DIDO1: variants seen among roughly 807,000 people sequenced by gnomAD.
The protein encoded by DIDO1 is death-inducer obliterator 1.
In DIDO1, 16 loss-of-function variants were observed where a neutral mutation model predicts 99.4. The observed-to-expected ratio is 0.16, with a 90% CI of 0.11 to 0.24. The LOEUF is 0.24. DIDO1 is among the 10% of genes least tolerant of loss of function. The pLI is 1.00. For missense variants in DIDO1, 2,996 were observed against 3,014.0 expected (o/e 0.99, Z 0.14); for synonymous variants, 1,366 against 1,239.1 (o/e 1.10, Z -2.15).
intron 1 of DIDO1, among the ~76,000 whole-genome samples, chr20:62,934,160 G>A (rs923871015): frequency 4.6e-5 from 7 of 152,010 alleles, no homozygotes; most frequent in Admixed American, 2.0e-4. Flanking sequence ...CTCCTGTCCC[G>A]GGACCCACCT....
At chr20:62,918,174 A>C (rs1468852769) in intron 1 of DIDO1, among the ~76,000 whole-genome samples, 5 of 152,260 alleles carry the variant, frequency 3.3e-5, no homozygotes. Flanking sequence ...ATATCTTCCC[A>C]AAAGGTCAGC....
rs1274584126 is a variant in DIDO1, at chr20:62,907,269, T to C, written c.1252A>G (p.Ile418Val). ...PDSVYCSNDC[I>V]LKHAAATMKF... ...ATTGTCGCTGCGGCGTGTTTGAGGATACAGTCATTACTGCAGTACACCGAG... is the reference window on the plus strand; with the variant it reads ...ATTGTCGCTGCGGCGTGTTTGAGGACACAGTCATTACTGCAGTACACCGAG... Residue 418 changes from isoleucine to valine, a missense_variant, in exon 5 of 16, where the codon ATC becomes GTC. Around this residue, in one of 5 missense-constraint regions of DIDO1, gnomAD observed 898 missense variants for 972.7 expected, o/e 0.92. Transcript: ENST00000395343. The C allele has an allele frequency of 6.2e-7, 1 of 1,614,216 alleles. No homozygotes were observed. The highest frequency in any genetic ancestry group is 1.7e-5 in the Admixed American group (1 of 60,028).
At chr20:62,900,505 T>C (rs1006232106) in intron 6 of DIDO1, among the ~76,000 whole-genome samples, 10 of 152,154 alleles carry the variant, frequency 6.6e-5, no homozygotes, top group African/African-American at 2.4e-4. Flanking sequence ...ACTCCGCTCC[T>C]CTCTGCAGAA....
intron 15 of DIDO1, among the ~76,000 whole-genome samples, chr20:62,883,248 T>A (rs2064242788): frequency 6.6e-6 from 1 of 151,790 alleles, no homozygotes; most frequent in South Asian, 2.1e-4. Flanking sequence ...AACTTAGGAG[T>A]TGCAACACAT....
chr20:62,880,292 C>T lies in DIDO1; in HGVS notation c.5664G>A (p.Gln1888=). Residue 1888 remains glutamine, a synonymous_variant, in exon 16 of 16, where the codon CAG becomes CAA. Transcript: ENST00000395343. ...FLGSRGGAPF[Q]FGGQRRPLLS... ...GCAGTGGCCTTCTCTGGCCTCCGAA[C>T]TGGAAAGGCGCGCCGCCTCTGCTTC... 1.2e-6 allele frequency: 2 copies of T among 1,612,786 alleles called. No individual in the cohort carries two copies. The highest frequency in any genetic ancestry group is 1.7e-6 in the Non-Finnish European group (2 of 1,179,966).
intron 1 of DIDO1, among the ~76,000 whole-genome samples, chr20:62,935,844 G>A (rs770769741): frequency 6.6e-6 from 1 of 152,214 alleles, no homozygotes; most frequent in African/African-American, 2.4e-5. Flanking sequence ...CAGGAGTTAC[G>A]GAGACATCCT....
chr20:62,916,196 A>G (rs1006389283), intron 1 of DIDO1, among the ~76,000 whole-genome samples: 2 of 152,212 alleles, frequency 1.3e-5, no homozygotes, highest in African/African-American at 4.8e-5. Flanking sequence ...CTGCAACCAT[A>G]TTGTATCAGT....
chr20:62,922,233 T>C (rs868099350), intron 1 of DIDO1, among the ~76,000 whole-genome samples: 76 of 142,072 alleles, frequency 5.3e-4, no homozygotes, highest in Admixed American at 1.7e-3. Flanking sequence ...CACACACACA[T>C]ATATATATAT....
chr20:62,922,278 G>A (rs2065170010), intron 1 of DIDO1, among the ~76,000 whole-genome samples: 1 of 150,960 alleles, frequency 6.6e-6, no homozygotes, highest in African/African-American at 2.4e-5. Context: ...ACACACACAG[G>A]TGTCTACCTG....
Position 62,896,226 on chromosome 20 carries a change from C to A in DIDO1, c.2214+7G>T, listed in dbSNP as rs2064517496. On this transcript the variant is annotated splice_region_variant and intron_variant, in intron 8 of 15. Coordinates refer to ENST00000395343, the MANE Select transcript of DIDO1 (RefSeq NM_001193369.2). This position sits in a 1 kb window ranked among gnomAD's most constrained non-coding sequence, Gnocchi z 4.4. ...AATACTCCAATGCACCGACACCAGG[C>A]ACACACCTGATTTTTAGGGTCCTTC... 2.5e-6 allele frequency: 4 copies of A among 1,612,278 alleles called. No homozygotes were observed. The highest frequency in any genetic ancestry group is 3.4e-6 in the Non-Finnish European group (4 of 1,179,304).
intron 1 of DIDO1, among the ~76,000 whole-genome samples, chr20:62,936,329 G>T (rs535660873): frequency 6.6e-6 from 1 of 152,074 alleles, no homozygotes; most frequent in African/African-American, 2.4e-5. Flanking sequence ...CGAGGTGGGT[G>T]ATCATTTGAG....
At chr20:62,909,427 T>A (rs1435250739) in intron 4 of DIDO1, among the ~76,000 whole-genome samples, 3 of 152,178 alleles carry the variant, frequency 2.0e-5, no homozygotes, top group Admixed American at 6.5e-5. Flanking sequence ...CAGAAACAAT[T>A]CCTTTCTGCT....
At chr20:62,885,855 C>T (rs2064288761) in intron 15 of DIDO1, among the ~76,000 whole-genome samples, 1 of 152,230 alleles carries the variant, frequency 6.6e-6, no homozygotes, top group African/African-American at 2.4e-5. Flanking sequence ...GAGCCATCTT[C>T]CCCTGGAGGA....
upstream of DIDO1, among the ~76,000 whole-genome samples, chr20:62,929,815 G>A (rs990556195): frequency 2.7e-5 from 4 of 149,394 alleles, no homozygotes; most frequent in African/African-American, 7.5e-5. Context: ...TATAAGGCCA[G>A]CTAACTTTAA....
intron 6 of DIDO1, among the ~76,000 whole-genome samples, chr20:62,903,002 T>C (rs772135163): frequency 1.3e-5 from 2 of 152,104 alleles, no homozygotes; most frequent in Non-Finnish European, 2.9e-5. Flanking sequence ...CATTTCCAAC[T>C]GACTTCATGC....
chr20:62,892,194 G>A lies in DIDO1; in HGVS notation c.3256-118C>T. On this transcript the variant is annotated intron_variant, in intron 13 of 15. Transcript: ENST00000395343. ...TCAAGAAGACTACAGCTATTCCAAG[G>A]AAAAGAGTCACACTTGTATTAAATG... 5.9e-6 allele frequency: 5 copies of A among 841,926 alleles called. No homozygotes were observed. The South Asian group carries it at 9.2e-5, about 15-fold the overall frequency. 52.2% of individuals were successfully genotyped at this position (841,926 alleles called of 1,614,324 possible). A position where few individuals can be genotyped will look rare whatever the true frequency, so the allele number is the denominator to read the frequency against.
At chr20:62,909,665 T>C in intron 4 of DIDO1, 34 bp downstream of exon 4, 4 of 1,604,208 alleles carry the variant, frequency 2.5e-6, no homozygotes, top group Non-Finnish European at 2.6e-6. Context: ...TGAGGCCGAC[T>C]GCTGAATGCT....
intron 12 of DIDO1, among the ~76,000 whole-genome samples, chr20:62,893,228 G>A (rs143993530): frequency 0.037 from 5,709 of 152,248 alleles, 196 homozygotes; most frequent in African/African-American, 0.088. Context: ...GTTTTGCCAT[G>A]TTGCTCAGGC....
At chr20:62,922,199 T>C (rs1396516697) in intron 1 of DIDO1, among the ~76,000 whole-genome samples, 6 of 89,610 alleles carry the variant, frequency 6.7e-5, no homozygotes, top group African/African-American at 2.7e-4. Context: ...TGTGTGTGTA[T>C]ATATATATGT....
Sources: gnomAD v4.1 joint callset for allele counts (sites outside exome capture counted in the v4.1 genomes callset) on GRCh38, gnomAD v4.1.1 for gene constraint, gnomAD v4.1.1 regional missense constraint, Gnocchi (gnomAD v3.1) non-coding constraint, MANE v1.5 for transcripts, NCBI Gene and HGNC (gene_info 2026-07-23, HGNC 2026-07-21) for gene names.